ZDHHC13: variants seen among roughly 807,000 people sequenced by gnomAD.
ZDHHC13 encodes palmitoyltransferase ZDHHC13.
Under a neutral mutation model 86.0 loss-of-function variants are expected in ZDHHC13, and 85 were observed. The ratio of observed to expected loss-of-function variants is 0.99; its 90% CI spans 0.83 to 1.18. The LOEUF (loss-of-function observed/expected upper bound fraction) is 1.18, where lower values mean the gene tolerates loss of function less well. Among genes scored for constraint, ZDHHC13 ranks in the 50% most tolerant of loss-of-function variants. The probability of loss-of-function intolerance (pLI) is 0.00; values close to 1 mark genes in which losing one functional copy is unlikely to be tolerated. For synonymous variants in ZDHHC13, 263 were observed against 246.4 expected (o/e 1.07, Z -0.63); for missense variants, 711 against 730.2 (o/e 0.97, Z 0.30).
At chr11:19,137,136 G>T (rs1849164489) in intron 1 of ZDHHC13, among the ~76,000 whole-genome samples, 1 of 152,120 alleles carries the variant, frequency 6.6e-6, no homozygotes, top group African/African-American at 2.4e-5. Flanking sequence ...TGGATAAAGA[G>T]TCCAGACCCA....
rs144986197 is a variant in ZDHHC13, at chr11:19,134,664, A to G, written c.28-8314A>G. The stretch of plus-strand genomic sequence containing the variant: ...TAAGTGGGAGTTGAACAGTGAGAAT[A>G]TATGGACACAGGGAGGGGAACATTA... On this transcript the variant is annotated intron_variant, in intron 1 of 16. Transcript: ENST00000446113. 6.8e-3 allele frequency among the ~76,000 whole-genome samples: 1,026 copies of G among 151,278 alleles called. 9 individuals are homozygous for G. Among genetic ancestry groups the G allele is most frequent in the African/African-American group, 0.023 (967 of 41,294 alleles).
chr11:19,134,423 C>T (rs1849077351), intron 1 of ZDHHC13, among the ~76,000 whole-genome samples: 1 of 152,170 alleles, frequency 6.6e-6, no homozygotes, highest in East Asian at 1.9e-4. Context: ...TTTATTGCAG[C>T]ACCATTCACA....
intron 10 of ZDHHC13, among the ~76,000 whole-genome samples, chr11:19,162,869 C>G (rs1365482251): frequency 6.6e-6 from 1 of 152,072 alleles, no homozygotes; most frequent in African/African-American, 2.4e-5. Flanking sequence ...TAGTGTCTTT[C>G]TGCAAACATG....
chr11:19,134,904 C>T lies in ZDHHC13; in HGVS notation c.28-8074C>T, dbSNP rs147033449. ...AATATTATCTGGGTATGGTGGCATGCGCCGGTAGTCTCAGCTACTTAGGAG... is the reference window on the plus strand; with the variant it reads ...AATATTATCTGGGTATGGTGGCATGTGCCGGTAGTCTCAGCTACTTAGGAG... On this transcript the variant is annotated intron_variant, in intron 1 of 16. Coordinates refer to ENST00000446113, the MANE Select transcript of ZDHHC13 (RefSeq NM_019028.3). Among the ~76,000 whole-genome samples the T allele has an allele frequency of 5.2e-3, 789 of 152,154 alleles. 2 individuals are homozygous for T. The highest frequency in any genetic ancestry group is 0.017 in the African/African-American group (723 of 41,522).
At chr11:19,155,437 C>G (rs2133439097) in intron 8 of ZDHHC13, among the ~76,000 whole-genome samples, 1 of 151,962 alleles carries the variant, frequency 6.6e-6, no homozygotes, top group Admixed American at 6.6e-5. Context: ...AAAAATTAGC[C>G]AGGCATGGTG....
At chr11:19,165,580 A>G (rs760619948) in intron 13 of ZDHHC13, among the ~76,000 whole-genome samples, 1 of 152,190 alleles carries the variant, frequency 6.6e-6, no homozygotes, top group African/African-American at 2.4e-5. Flanking sequence ...CATCTCCAGC[A>G]TTGAGAAGGC....
rs149667983 is a variant in ZDHHC13, at chr11:19,170,156, C to T, written c.1475-255C>T. 261 of 1,282,020 alleles carry T rather than the reference C, an allele frequency of 2.0e-4. 1 individual carries two copies. The Admixed American group carries it at 4.8e-3, about 24-fold the overall frequency. The allele number at this position is 1,282,020 out of a possible 1,614,324, so 79.4% of individuals were successfully genotyped here. A position where few individuals can be genotyped will look rare whatever the true frequency, so the allele number is the denominator to read the frequency against. ...AATGCTGATTTTAGTAAAGATTTTA[C>T]GGACCCTTTTTCTTTATTCCTTCAC... On this transcript the variant is annotated intron_variant, in intron 14 of 16. Transcript: ENST00000446113.
chr11:19,148,927 C>G (rs1043511793), intron 4 of ZDHHC13: 1 of 261,242 alleles, frequency 3.8e-6, no homozygotes, highest in African/African-American at 2.2e-5. Context: ...GCACTCCAGC[C>G]TGGGTCACAG....
At chr11:19,157,878 A>G (rs760871269) in intron 9 of ZDHHC13, among the ~76,000 whole-genome samples, 1 of 152,204 alleles carries the variant, frequency 6.6e-6, no homozygotes, top group African/African-American at 2.4e-5. Flanking sequence ...AATTTCATGG[A>G]GGAAAGCAAC....
intron 2 of ZDHHC13, among the ~76,000 whole-genome samples, chr11:19,143,486 G>A (rs1306734408): frequency 6.6e-6 from 1 of 152,172 alleles, no homozygotes; most frequent in African/African-American, 2.4e-5. Context: ...ACAAATCTAA[G>A]TCTTTTAAAA....
intron 2 of ZDHHC13, among the ~76,000 whole-genome samples, chr11:19,144,979 C>T (rs1376553105): frequency 2.0e-5 from 3 of 152,074 alleles, no homozygotes; most frequent in Admixed American, 6.5e-5. Flanking sequence ...TGTCGTGGCA[C>T]ACGCCTGTAA....
intron 1 of ZDHHC13, among the ~76,000 whole-genome samples, chr11:19,141,846 GA>G (rs1404620020): frequency 6.6e-6 from 1 of 152,020 alleles, no homozygotes; most frequent in Non-Finnish European, 1.5e-5. Flanking sequence ...TAGGTGATCC[GA>G]ATGTAACATT....
chr11:19,121,429 T>C (rs568149773), intron 1 of ZDHHC13, among the ~76,000 whole-genome samples: 68 of 152,354 alleles, frequency 4.5e-4, no homozygotes, highest in African/African-American at 1.5e-3. Flanking sequence ...TTCATTGCCA[T>C]GTTGCTGTGT....
intron 5 of ZDHHC13, 30 bp downstream of exon 5, chr11:19,149,361 GT>G: frequency 1.3e-6 from 2 of 1,511,138 alleles, no homozygotes; most frequent in Admixed American, 2.0e-5. Context: ...TTATACTCCA[GT>G]TTTTATCATC....
chr11:19,130,381 G>T (rs1848969773), intron 1 of ZDHHC13, among the ~76,000 whole-genome samples: 1 of 151,984 alleles, frequency 6.6e-6, no homozygotes, highest in Non-Finnish European at 1.5e-5. Flanking sequence ...TTCAAAATTT[G>T]TAGGCTTTTG....
In ZDHHC13 at chr11:19,129,814, C is replaced by T. The variant is rs974576166; in HGVS notation, c.27+12538C>T. Among the ~76,000 whole-genome samples the T allele has an allele frequency of 7.9e-5, 12 of 152,152 alleles. No homozygotes were observed. The South Asian group carries it at 8.3e-4, about 11-fold the overall frequency. ...CTGCCTCATAAAATGAGCTGGGGGC[C>T]GGGTGCGGTCGCTCACACCTGTAAT... On this transcript the variant is annotated intron_variant, in intron 1 of 16. Coordinates refer to ENST00000446113, the MANE Select transcript of ZDHHC13 (RefSeq NM_019028.3).
rs1351718261 is a variant in ZDHHC13 at position 19,139,704 on chromosome 11, T to C, written c.28-3274T>C. ...AGTAACCAAAACAGCATGGTACTGG[T>C]ACCAAAACAGAGATATAGATCAATG... On this transcript the variant is annotated intron_variant, in intron 1 of 16. Coordinates refer to ENST00000446113, the MANE Select transcript of ZDHHC13 (RefSeq NM_019028.3). Among the ~76,000 whole-genome samples, 3 of 150,280 alleles carry C rather than the reference T, an allele frequency of 2.0e-5. No homozygotes were observed. The South Asian group carries it at 6.4e-4, about 32-fold the overall frequency.
chr11:19,135,515 C>A (rs2133382279), intron 1 of ZDHHC13, among the ~76,000 whole-genome samples: 1 of 152,356 alleles, frequency 6.6e-6, no homozygotes, highest in South Asian at 2.1e-4. Flanking sequence ...CGCCATTGCC[C>A]AGGCTTGCTG....
At chr11:19,166,237 A>AG (rs1393460904) in intron 13 of ZDHHC13, 65 bp from the exon 14 acceptor site, 1 of 1,283,044 alleles carries the variant, frequency 7.8e-7, no homozygotes, top group Non-Finnish European at 1.1e-6. Context: ...GTGGTTAAGG[A>AG]GGTCTTATGT....
Sources: allele counts gnomAD v4.1 joint callset (sites outside exome capture counted in the v4.1 genomes callset), GRCh38; gene constraint gnomAD v4.1.1; transcripts MANE v1.5; gene names NCBI Gene and HGNC (gene_info 2026-07-23, HGNC 2026-07-21).